The following EBLN1 variants were observed in gnomAD, a reference collection of about 807,000 sequenced individuals.
The protein encoded by EBLN1 is endogenous Bornavirus-like nucleoprotein 1.
EBLN1 carries 1 observed loss-of-function variant against 0.8 expected under a neutral mutation model. The observed-to-expected ratio is 1.32, with a 90% CI of 0.47 to 6.26. EBLN1 has a LOEUF of 6.26. Ranked by LOEUF, EBLN1 falls within the 30% of genes most tolerant of loss-of-function variation. EBLN1 has a pLI of 0.15. For missense variants in EBLN1, 396 were observed against 447.9 expected, an observed-to-expected ratio of 0.88 and a Z score of 1.05; for synonymous variants, 158 against 158.5, an observed-to-expected ratio of 1.00 and a Z score of 0.02.
chr10:22,211,144 C>T (rs1040118765), intron 2 of EBLN1, among the ~76,000 whole-genome samples: 5 of 152,100 alleles, frequency 3.3e-5, no homozygotes, highest in Non-Finnish European at 5.9e-5. Flanking sequence ...TTTCTTTTCT[C>T]GTCTCTTAAT....
intron 1 of EBLN1, among the ~76,000 whole-genome samples, chr10:22,216,211 C>T (rs75796048): frequency 0.016 from 2,412 of 151,548 alleles, 79 homozygotes; most frequent in African/African-American, 0.055. Context: ...AAAAGTCATT[C>T]GGTGAAACCC....
Position 22,208,801 on chromosome 10 carries a change from C to T in EBLN1, c.*82G>A, listed in dbSNP as rs1834716002. 1 of 1,374,282 alleles carries T rather than the reference C, an allele frequency of 7.3e-7. No individual in the cohort carries two copies. The highest frequency in any genetic ancestry group is 2.5e-5 in the East Asian group (1 of 39,850). The allele number at this position is 1,374,282 out of a possible 1,614,324, so 85.1% of individuals were successfully genotyped here. ...ACAGACCAAGATTGAAAACAATAGG[C>T]AACACTCAGATACTATTTTAGAATG... On this transcript the variant is annotated 3_prime_UTR_variant, in exon 3 of 3. Coordinates refer to ENST00000422359, the MANE Select transcript of EBLN1 (RefSeq NM_001394757.1).
chr10:22,213,496 C>T (rs1023648852), intron 1 of EBLN1, among the ~76,000 whole-genome samples: 3 of 152,134 alleles, frequency 2.0e-5, no homozygotes, highest in African/African-American at 7.2e-5. Context: ...ACCCAGGCTC[C>T]TTCCAAGATT....
At chr10:22,214,959 CAAG>C (rs1237166418) in intron 1 of EBLN1, among the ~76,000 whole-genome samples, 9 of 152,166 alleles carry the variant, frequency 5.9e-5, no homozygotes, top group African/African-American at 9.7e-5. Flanking sequence ...ATTAGACAAT[CAAG>C]AAGAAGGCAC....
chr10:22,214,512 T>G (rs1012628819), intron 1 of EBLN1, among the ~76,000 whole-genome samples: 14 of 151,820 alleles, frequency 9.2e-5, no homozygotes, highest in Non-Finnish European at 2.1e-4. Context: ...CAAGAGAAAA[T>G]AAAATATTGA....
At position 22,209,271 on chromosome 10, in the gene EBLN1, T is replaced by C. The variant is rs753801020; in HGVS notation, c.713A>G (p.Tyr238Cys). The change falls in exon 3 of 3, where the codon TAC (tyrosine) becomes TGC (cysteine). Residue 238 changes from tyrosine (Y) to cysteine (C), a missense_variant. Transcript: ENST00000422359. ...VASKAQMMTY[Y>C]TVRMFLDQCV... is the part of the protein sequence containing the mutation. Reference sequence around the variant, plus strand: ...CTGATCCAGGAACATTCTCACAGTGTAGTAGGTCATCATCTGTGCTTTGCT... The same window carrying C: ...CTGATCCAGGAACATTCTCACAGTGCAGTAGGTCATCATCTGTGCTTTGCT... 1.3e-6 allele frequency: 2 copies of C among 1,584,810 alleles called. No homozygotes were observed. The highest frequency in any genetic ancestry group is 2.2e-5 in the South Asian group (2 of 89,180).
intron 2 of EBLN1, among the ~76,000 whole-genome samples, chr10:22,211,307 A>G (rs758662565): frequency 2.6e-5 from 4 of 152,166 alleles, no homozygotes; most frequent in Non-Finnish European, 4.4e-5. Context: ...GTCCATTTGG[A>G]GGTAGAAAAA....
At chr10:22,214,285 A>G (rs1030731009) in intron 1 of EBLN1, among the ~76,000 whole-genome samples, 1 of 149,802 alleles carries the variant, frequency 6.7e-6, no homozygotes, top group Non-Finnish European at 1.5e-5. Context: ...TTGATTTTTG[A>G]TTTTTTGTTT....
rs1484384531 is a variant in EBLN1 at position 22,208,851 on chromosome 10, T to C, written c.*32A>G. 5 of 1,459,004 alleles carry C rather than the reference T, an allele frequency of 3.4e-6. No homozygotes were observed. Among genetic ancestry groups the C allele is most frequent in the Admixed American group, 2.7e-5 (1 of 37,340 alleles). 90.4% of individuals were successfully genotyped at this position (1,459,004 alleles called of 1,614,324 possible). A position where few individuals can be genotyped will look rare whatever the true frequency, so the allele number is the denominator to read the frequency against. Reference sequence around the variant, plus strand: ...GTGATTTTCACATAATTTCTTTTTATATGTATATATAAGGATTAGTTCACG... The same window carrying C: ...GTGATTTTCACATAATTTCTTTTTACATGTATATATAAGGATTAGTTCACG... On this transcript the variant is annotated 3_prime_UTR_variant, in exon 3 of 3. Coordinates refer to ENST00000422359, the MANE Select transcript of EBLN1 (RefSeq NM_001394757.1).
At chr10:22,210,822 G>C (rs780952982) in intron 2 of EBLN1, among the ~76,000 whole-genome samples, 6 of 152,140 alleles carry the variant, frequency 3.9e-5, no homozygotes. Context: ...TGGCCAAGTG[G>C]GTGCTGCCCA....
Position 22,209,821 on chromosome 10 carries a change from C to T in EBLN1, c.163G>A (p.Val55Ile), listed in dbSNP as rs1182710409. The change falls in exon 3 of 3, where the codon GTC becomes ATC. Residue 55 changes from valine (V) to isoleucine (I), a missense_variant. Coordinates refer to ENST00000422359, the MANE Select transcript of EBLN1 (RefSeq NM_001394757.1). ...EPQPGIGDVK[V>I]IEKATKSMLD... ...ATAGACTTAGTTGCTTTTTCAATGACCTTAACATCTCCAATACCAGGTTGG... is the reference window on the plus strand; with the variant it reads ...ATAGACTTAGTTGCTTTTTCAATGATCTTAACATCTCCAATACCAGGTTGG... The T allele has an allele frequency of 9.8e-6, 15 of 1,532,758 alleles. No individual in the cohort carries two copies. The highest frequency in any genetic ancestry group is 1.3e-5 in the Non-Finnish European group (15 of 1,145,396). 94.9% of individuals were successfully genotyped at this position (1,532,758 alleles called of 1,614,324 possible). A position where few individuals can be genotyped will look rare whatever the true frequency, so the allele number is the denominator to read the frequency against.
chr10:22,213,268 C>T (rs1834768330), intron 1 of EBLN1, among the ~76,000 whole-genome samples: 1 of 152,052 alleles, frequency 6.6e-6, no homozygotes, highest in Non-Finnish European at 1.5e-5. Context: ...TATTGCTAGT[C>T]ACATATAGTT....
At position 22,209,947 on chromosome 10, in the gene EBLN1, G is replaced by A; in HGVS notation, c.37C>T (p.Pro13Ser). 7.0e-7 allele frequency: 1 copy of A among 1,438,464 alleles called. No homozygotes were observed. Among genetic ancestry groups the A allele is most frequent in the Non-Finnish European group, 9.1e-7 (1 of 1,101,432 alleles). The allele number at this position is 1,438,464 out of a possible 1,614,324, so 89.1% of individuals were successfully genotyped here. The change falls in exon 3 of 3, where the codon CCA (proline) becomes TCA (serine). Residue 13 changes from proline to serine, a missense_variant. Transcript: ENST00000422359. The stretch of plus-strand genomic sequence containing the variant: ...CTCCCATCCTTTGTACTGTCTTGTG[G>A]GCTGCTGGTCTGTGGGTTGTTTCTT... Reference protein sequence around the residue: ...RPRNNPQTSSPQDSTKDGSSF... With the variant: ...RPRNNPQTSSSQDSTKDGSSF...
Position 22,209,410 on chromosome 10 carries a change from C to A in EBLN1, c.574G>T (p.Ala192Ser). 6.2e-7 allele frequency: 1 copy of A among 1,603,670 alleles called. No homozygotes were observed. The highest frequency in any genetic ancestry group is 8.5e-7 in the Non-Finnish European group (1 of 1,179,834). ...GGTCTTGAGTTGATCCAATCTATAG[C>A]TGGCCCTGCATTATAGCTAATTAAT... ...DLLISYNAGP[A>S]IDWINSRPWV... Residue 192 changes from alanine (A) to serine (S), a missense_variant, in exon 3 of 3, where the codon GCT becomes TCT. Transcript: ENST00000422359.
chr10:22,213,996 G>A (rs1834773043), intron 1 of EBLN1, among the ~76,000 whole-genome samples: 1 of 152,004 alleles, frequency 6.6e-6, no homozygotes, highest in Non-Finnish European at 1.5e-5. Flanking sequence ...TAGGCATGCT[G>A]ACCAAAACAG....
chr10:22,216,826 G>A (rs765192529), intron 1 of EBLN1, among the ~76,000 whole-genome samples: 1 of 152,120 alleles, frequency 6.6e-6, no homozygotes, highest in Admixed American at 6.5e-5. Flanking sequence ...CAAGAATCAC[G>A]AGTACTTCTT....
At position 22,208,806 on chromosome 10, in the gene EBLN1, C is replaced by T; in HGVS notation, c.*77G>A. On this transcript the variant is annotated 3_prime_UTR_variant, in exon 3 of 3. Coordinates refer to ENST00000422359, the MANE Select transcript of EBLN1 (RefSeq NM_001394757.1). ...CCAAGATTGAAAACAATAGGCAACA[C>T]TCAGATACTATTTTAGAATGTGATT... 2.1e-6 allele frequency: 3 copies of T among 1,399,578 alleles called. 1 individual carries two copies. The highest frequency in any genetic ancestry group is 9.4e-7 in the Non-Finnish European group (1 of 1,068,016). 86.7% of individuals were successfully genotyped at this position (1,399,578 alleles called of 1,614,324 possible).
At position 22,209,742 on chromosome 10, in the gene EBLN1, A is replaced by C. The variant is rs940929857; in HGVS notation, c.242T>G (p.Phe81Cys). 1 of 1,535,820 alleles carries C rather than the reference A, an allele frequency of 6.5e-7. No individual in the cohort carries two copies. The highest frequency in any genetic ancestry group is 8.7e-7 in the Non-Finnish European group (1 of 1,146,920). Residue 81 changes from phenylalanine to cysteine, a missense_variant, in exon 3 of 3, where the codon TTT becomes TGT. Coordinates refer to ENST00000422359, the MANE Select transcript of EBLN1 (RefSeq NM_001394757.1). ...TAATCCATCGAATATAAAACACAAA[A>C]ATACTAAGCTTGGGGTTACAAGGTA... Reference protein sequence around the residue: ...HFYLVTPSLVFLCFIFDGLHK... With the variant: ...HFYLVTPSLVCLCFIFDGLHK...
At chr10:22,210,125 T>A in intron 2 of EBLN1, 98 bp from the exon 3 acceptor site, 1 of 1,085,682 alleles carries the variant, frequency 9.2e-7, no homozygotes, top group Non-Finnish European at 1.2e-6. Context: ...TACTTCTTAG[T>A]AATATTCAGT....
Sources: allele counts gnomAD v4.1 joint callset (sites outside exome capture counted in the v4.1 genomes callset), GRCh38; gene constraint gnomAD v4.1.1; transcripts MANE v1.5; gene names NCBI Gene and HGNC (gene_info 2026-07-23, HGNC 2026-07-21).